The following CYP2U1 variants were observed in gnomAD, a reference collection of about 807,000 sequenced individuals.
CYP2U1 encodes the protein cytochrome P450 2U1.
In CYP2U1, 28 loss-of-function variants were observed where a neutral mutation model predicts 42.8. That is an observed-to-expected ratio of 0.65 (90% CI 0.48 to 0.90). The LOEUF (loss-of-function observed/expected upper bound fraction) is 0.90. Ranked by LOEUF, CYP2U1 falls within the 40% of genes least tolerant of loss-of-function variation. The pLI, the probability that CYP2U1 is intolerant of heterozygous loss-of-function variation, is 0.00. For missense variants in CYP2U1, 642 were observed against 693.8 expected, an observed-to-expected ratio of 0.93 and a Z score of 0.84; for synonymous variants, 296 against 278.9, an observed-to-expected ratio of 1.06 and a Z score of -0.61.
intron 1 of CYP2U1, among the ~76,000 whole-genome samples, chr4:107,939,545 A>G (rs940392210): frequency 6.6e-6 from 1 of 152,216 alleles, no homozygotes; most frequent in African/African-American, 2.4e-5. Flanking sequence ...CAAAGTGGCT[A>G]TATGATTGGC....
chr4:107,944,203 C>T (rs1183563631), intron 1 of CYP2U1, among the ~76,000 whole-genome samples: 1 of 152,040 alleles, frequency 6.6e-6, no homozygotes, highest in African/African-American at 2.4e-5. Flanking sequence ...ATGGTCTGTG[C>T]CCTCATGTCA....
chr4:107,936,132 T>C (rs1733254569), intron 1 of CYP2U1: 1 of 152,164 alleles, frequency 6.6e-6, no homozygotes, highest in Admixed American at 6.5e-5. Context: ...TACAGTAAAC[T>C]AGATAGGCCA....
Position 107,931,696 on chromosome 4 carries a change from CGCGCCTCCTGCGT to C in CYP2U1, c.61_73del (p.Leu21TrpfsTer19). 2 of 1,340,184 alleles carry C rather than the reference CGCGCCTCCTGCGT, an allele frequency of 1.5e-6. No individual in the cohort carries two copies. The highest frequency in any genetic ancestry group is 1.9e-6 in the Non-Finnish European group (2 of 1,054,950). The allele number at this position is 1,340,184 out of a possible 1,614,324, so 83.0% of individuals were successfully genotyped here. Reference sequence around the variant, plus strand: ...CCGGCCGAGGACCCGCCCTGGCCCGCGCGCCTCCTGCGTGCGCCTCTGGGGCTGCTGCGGCTGG... The same window carrying C: ...CCGGCCGAGGACCCGCCCTGGCCCGCGCGCCTCTGGGGCTGCTGCGGCTGG... On this transcript the variant is annotated frameshift_variant, in exon 1 of 5. Coordinates refer to ENST00000332884, the MANE Select transcript of CYP2U1 (RefSeq NM_183075.3). LOFTEE classifies it high-confidence loss of function.
At position 107,944,995 on chromosome 4, in the gene CYP2U1, C is replaced by T. The variant is rs759492553; in HGVS notation, c.516C>T (p.Pro172=). Residue 172 remains proline (P), a synonymous_variant, in exon 2 of 5, where the codon CCC becomes CCT. Transcript: ENST00000332884. ...GGGTTGTGTTTGCACATTATGGTCC[C>T]GTCTGGAGACAACAAAGGAAGTTCT... ...EKGVVFAHYG[P]VWRQQRKFSH... 1.2e-5 allele frequency: 19 copies of T among 1,612,648 alleles called. No individual in the cohort carries two copies. Among genetic ancestry groups the T allele is most frequent in the South Asian group, 8.8e-5 (8 of 90,910 alleles).
intron 1 of CYP2U1, among the ~76,000 whole-genome samples, chr4:107,933,595 AATATTCCATC>A (rs1247193106): frequency 6.6e-6 from 1 of 152,218 alleles, no homozygotes; most frequent in Non-Finnish European, 1.5e-5. Context: ...TTTGAAGACT[AATATTCCATC>A]ATATGTACAA....
rs771318652 is a variant in CYP2U1 at position 107,932,176 on chromosome 4, A to G, written c.490+43A>G. On this transcript the variant is annotated intron_variant, in intron 1 of 4. Transcript: ENST00000332884. ...GGCTGTGGGTACGCGGATGCCGCGGATGAGTCTCCAGGTGCGTGGGGGCTG... is the reference window on the plus strand; with the variant it reads ...GGCTGTGGGTACGCGGATGCCGCGGGTGAGTCTCCAGGTGCGTGGGGGCTG... 18 of 1,569,758 alleles carry G rather than the reference A, an allele frequency of 1.1e-5. No homozygotes were observed. The East Asian group carries it at 3.9e-4, about 34-fold the overall frequency.
chr4:107,948,243 T>C (rs11733813), intron 3 of CYP2U1, among the ~76,000 whole-genome samples: 87,848 of 137,112 alleles, frequency 0.64, 28,233 homozygotes, highest in African/African-American at 0.76. Context: ...GCCTGGGTGA[T>C]GGAGCAAGCC....
At chr4:107,942,873 C>T (rs1045387124) in intron 1 of CYP2U1, among the ~76,000 whole-genome samples, 7 of 152,054 alleles carry the variant, frequency 4.6e-5, no homozygotes, top group East Asian at 1.9e-4. Context: ...TGTTTATGAA[C>T]CCATGGTAGG....
intron 1 of CYP2U1, 62 bp downstream of exon 1, chr4:107,932,195 G>A (rs1053672995): frequency 1.2e-5 from 18 of 1,528,122 alleles, no homozygotes; most frequent in Non-Finnish European, 1.6e-5. Flanking sequence ...CAGGTGCGTG[G>A]GGGCTGCAGT....
chr4:107,932,225 G>T (rs1733029336), intron 1 of CYP2U1, 92 bp downstream of exon 1: 1 of 1,472,074 alleles, frequency 6.8e-7, no homozygotes, highest in Non-Finnish European at 9.0e-7. Flanking sequence ...CCTTCCGGCC[G>T]CCCGCGCCCC....
intron 3 of CYP2U1, among the ~76,000 whole-genome samples, chr4:107,947,934 A>C (rs1015910049): frequency 6.6e-6 from 1 of 152,154 alleles, no homozygotes; most frequent in Non-Finnish European, 1.5e-5. Flanking sequence ...AAATTATCTT[A>C]CTTCAACTTT....
intron 1 of CYP2U1, chr4:107,937,302 A>G (rs1042165122): frequency 6.6e-6 from 1 of 152,224 alleles, no homozygotes; most frequent in Admixed American, 6.5e-5. Context: ...TGAGTATGTA[A>G]TAAAATAGGT....
At position 107,952,033 on chromosome 4, in the gene CYP2U1, T is replaced by C. The variant is rs1733928328; in HGVS notation, c.*1610T>C. The C allele has an allele frequency of 1.3e-5, 2 of 152,314 alleles. No individual in the cohort carries two copies. The highest frequency in any genetic ancestry group is 4.8e-5 in the African/African-American group (2 of 41,440). 9.4% of individuals were successfully genotyped at this position (152,314 alleles called of 1,614,324 possible). On this transcript the variant is annotated 3_prime_UTR_variant, in exon 5 of 5. Transcript: ENST00000332884. ...ACCCCTTGGCCTCATGCTGGAGTTGTGTGTGTCTGTCTTCATCCCAGGCTG... is the reference window on the plus strand; with the variant it reads ...ACCCCTTGGCCTCATGCTGGAGTTGCGTGTGTCTGTCTTCATCCCAGGCTG...
intron 1 of CYP2U1, among the ~76,000 whole-genome samples, chr4:107,934,283 A>C (rs538781774): frequency 6.6e-6 from 1 of 151,062 alleles, no homozygotes; most frequent in Non-Finnish European, 1.5e-5. Context: ...ATGAACTTCT[A>C]TGATACCATT....
Position 107,931,654 on chromosome 4 carries a change from C to T in CYP2U1, c.11C>T (p.Pro4Leu). Residue 4 changes from proline to leucine, a missense_variant, in exon 1 of 5, where the codon CCG (proline) becomes CTG (leucine). By Grantham distance (98) the Pro-to-Leu change is moderately conservative. Coordinates refer to ENST00000332884, the MANE Select transcript of CYP2U1 (RefSeq NM_183075.3). MSS[P>L]GPSQPPAEDP... The stretch of plus-strand genomic sequence containing the variant: ...GCCGGCGCCCGGACCATGTCGTCTC[C>T]GGGGCCGTCGCAGCCGCCGGCCGAG... 3.2e-6 allele frequency: 4 copies of T among 1,261,312 alleles called. No individual in the cohort carries two copies. The highest frequency in any genetic ancestry group is 3.0e-6 in the Non-Finnish European group (3 of 1,007,710). 78.1% of individuals were successfully genotyped at this position (1,261,312 alleles called of 1,614,324 possible).
At chr4:107,940,540 T>G (rs1733452760) in intron 1 of CYP2U1, 1 of 152,192 alleles carries the variant, frequency 6.6e-6, no homozygotes, top group Non-Finnish European at 1.5e-5. Context: ...TAGATCTTTT[T>G]GCCCCTTGAT....
Position 107,931,627 on chromosome 4 carries a change from C to T in CYP2U1, c.-17C>T. 1 of 1,252,248 alleles carries T rather than the reference C, an allele frequency of 8.0e-7. No individual in the cohort carries two copies. The highest frequency in any genetic ancestry group is 1.0e-6 in the Non-Finnish European group (1 of 1,002,042). 77.6% of individuals were successfully genotyped at this position (1,252,248 alleles called of 1,614,324 possible). A position where few individuals can be genotyped will look rare whatever the true frequency, so the allele number is the denominator to read the frequency against. On this transcript the variant is annotated 5_prime_UTR_variant, in exon 1 of 5. Transcript: ENST00000332884. Reference sequence around the variant, plus strand: ...TCCAGGCAGCAAGGGGAACCCGAGGCCGCCGGCGCCCGGACCATGTCGTCT... The same window carrying T: ...TCCAGGCAGCAAGGGGAACCCGAGGTCGCCGGCGCCCGGACCATGTCGTCT...
Position 107,931,852 on chromosome 4 carries a change from G to A in CYP2U1, c.209G>A (p.Gly70Asp), listed in dbSNP as rs775828461. ...GGGCCCACGCCCTGGCCTCTGGTGG[G>A]CAACTTCGGTCACGTGCTGCTGCCT... ...PPGPTPWPLV[G>D]NFGHVLLPPF... The change falls in exon 1 of 5, where the codon GGC (glycine) becomes GAC (aspartate). Residue 70 changes from glycine (G) to aspartate (D), a missense_variant. Coordinates refer to ENST00000332884, the MANE Select transcript of CYP2U1 (RefSeq NM_183075.3). 112 of 1,544,196 alleles carry A rather than the reference G, an allele frequency of 7.3e-5. No individual in the cohort carries two copies. The highest frequency in any genetic ancestry group is 9.2e-5 in the Non-Finnish European group (105 of 1,143,762).
In CYP2U1 at chr4:107,945,120, G is replaced by A; in HGVS notation, c.641G>A (p.Gly214Glu). ...GTGAAAGCAGAAATGCAAAAGCACG[G>A]AGAAGACCCCTTCTGCCCTTTCTCC... Reference protein sequence around the residue: ...KYVKAEMQKHGEDPFCPFSII... With the variant: ...KYVKAEMQKHEEDPFCPFSII... The change falls in exon 2 of 5, where the codon GGA (glycine) becomes GAA (glutamate). Residue 214 changes from glycine to glutamate, a missense_variant. Transcript: ENST00000332884. The A allele has an allele frequency of 6.2e-7, 1 of 1,613,868 alleles. No individual in the cohort carries two copies. Among genetic ancestry groups the A allele is most frequent in the Non-Finnish European group, 8.5e-7 (1 of 1,179,990 alleles).
Sources: allele counts gnomAD v4.1 joint callset (sites outside exome capture counted in the v4.1 genomes callset), GRCh38; gene constraint gnomAD v4.1.1; transcripts MANE v1.5; gene names NCBI Gene and HGNC (gene_info 2026-07-23, HGNC 2026-07-21).